PCBP3: variants seen among roughly 807,000 people sequenced by gnomAD.
The protein encoded by PCBP3 is poly(rC)-binding protein 3.
In PCBP3, 25 loss-of-function variants were observed where a neutral mutation model predicts 52.7. The observed-to-expected ratio is 0.47, with a 90% CI of 0.35 to 0.66. PCBP3 has a LOEUF of 0.66. Among genes scored for constraint, PCBP3 ranks in the 30% least tolerant of loss-of-function variants. PCBP3 has a pLI of 0.01. For synonymous variants in PCBP3, 162 were observed against 183.0 expected, an observed-to-expected ratio of 0.89 and a Z score of 0.93; for missense variants, 391 against 490.3, an observed-to-expected ratio of 0.80 and a Z score of 1.91.
At chr21:45,886,610 TGTGG>T (rs2095530733) in intron 5 of PCBP3, among the ~76,000 whole-genome samples, 1 of 12,302 alleles carries the variant, frequency 8.1e-5, no homozygotes, top group Non-Finnish European at 1.5e-4. Flanking sequence ...CGTGGTGAGG[TGTGG>T]AGGAGGCCTC....
intron 2 of PCBP3, among the ~76,000 whole-genome samples, chr21:45,729,927 A>G (rs778794986): frequency 6.6e-6 from 1 of 152,006 alleles, no homozygotes; most frequent in Non-Finnish European, 1.5e-5. Context: ...TGCCTGGTTA[A>G]TGTAAAAAAA....
In PCBP3 at chr21:45,800,696, AGGT is replaced by A. The variant is rs907874350; in HGVS notation, c.-126+45247_-126+45249del. Among the ~76,000 whole-genome samples, 1 of 152,160 alleles carries A rather than the reference AGGT, an allele frequency of 6.6e-6. No homozygotes were observed. The highest frequency in any genetic ancestry group is 2.4e-5 in the African/African-American group (1 of 41,448). On this transcript the variant is annotated intron_variant, in intron 4 of 17. Coordinates refer to ENST00000681687, the MANE Select transcript of PCBP3 (RefSeq NM_001384156.1). This position sits in a 1 kb window ranked among gnomAD's most constrained non-coding sequence, Gnocchi z 5.3. ...ACCTGTGCCCTCCTGAGCCTGGGTGAGGTGGCCCTCCCACCTGGGCCATGTGCC... is the reference window on the plus strand; with the variant it reads ...ACCTGTGCCCTCCTGAGCCTGGGTGAGGCCCTCCCACCTGGGCCATGTGCC...
At chr21:45,931,818 C>A (rs2076225243) in intron 15 of PCBP3, among the ~76,000 whole-genome samples, 1 of 151,962 alleles carries the variant, frequency 6.6e-6, no homozygotes, top group Non-Finnish European at 1.5e-5. Flanking sequence ...TGAATGAACA[C>A]CTGGGCCATG....
intron 4 of PCBP3, chr21:45,760,339 C>G (rs1208684349): frequency 6.6e-6 from 1 of 152,104 alleles, no homozygotes; most frequent in Admixed American, 6.5e-5. Context: ...CTATGCCTGG[C>G]TACTAAAAGC....
At chr21:45,672,947 C>A (rs1244567138) in intron 2 of PCBP3, among the ~76,000 whole-genome samples, 2 of 152,168 alleles carry the variant, frequency 1.3e-5, no homozygotes, top group Non-Finnish European at 2.9e-5. Flanking sequence ...TAACAGTGAC[C>A]TAGACAGTTG....
At chr21:45,663,893 C>G (rs2080588880) in intron 1 of PCBP3, among the ~76,000 whole-genome samples, 1 of 151,804 alleles carries the variant, frequency 6.6e-6, no homozygotes, top group African/African-American at 2.4e-5. Flanking sequence ...TTCCCTAACT[C>G]TATGAAAAAT....
intron 2 of PCBP3, among the ~76,000 whole-genome samples, chr21:45,720,013 C>T (rs1432197706): frequency 6.6e-6 from 1 of 152,130 alleles, no homozygotes; most frequent in Non-Finnish European, 1.5e-5. Flanking sequence ...TAACATCCAC[C>T]AGTCCTTTAT....
At chr21:45,887,208 C>T (rs756339211) in intron 5 of PCBP3, among the ~76,000 whole-genome samples, 23 of 152,336 alleles carry the variant, frequency 1.5e-4, no homozygotes, top group Non-Finnish European at 2.5e-4. Flanking sequence ...GCCTTTCCTA[C>T]GCATTTCAGT....
At chr21:45,644,222 A>G (rs915242534) in intron 1 of PCBP3, among the ~76,000 whole-genome samples, 7 of 151,476 alleles carry the variant, frequency 4.6e-5, no homozygotes, top group Non-Finnish European at 8.8e-5. Flanking sequence ...AAACGGCACA[A>G]ATTTCATCTC....
At chr21:45,710,585 T>C (rs544966363) in intron 2 of PCBP3, among the ~76,000 whole-genome samples, 1 of 152,340 alleles carries the variant, frequency 6.6e-6, no homozygotes, top group African/African-American at 2.4e-5. Context: ...TAACGACACA[T>C]GCACACGTAT....
intron 5 of PCBP3, among the ~76,000 whole-genome samples, chr21:45,884,184 C>T (rs1347467692): frequency 1.3e-5 from 2 of 152,152 alleles, no homozygotes; most frequent in African/African-American, 4.8e-5. Context: ...GATCCTCCCA[C>T]CTTGACCGCC....
intron 3 of PCBP3, among the ~76,000 whole-genome samples, chr21:45,743,054 A>G (rs1205720786): frequency 1.3e-5 from 2 of 152,194 alleles, no homozygotes; most frequent in African/African-American, 4.8e-5. Context: ...TAGAAAGGGA[A>G]TCTGTCTTTC....
intron 4 of PCBP3, among the ~76,000 whole-genome samples, chr21:45,758,613 A>G (rs995417812): frequency 6.6e-6 from 1 of 152,066 alleles, no homozygotes; most frequent in Non-Finnish European, 1.5e-5. Context: ...TTTCTTGGCT[A>G]GTGTATATAA....
At chr21:45,648,383 C>A (rs2079458745) in intron 1 of PCBP3, among the ~76,000 whole-genome samples, 1 of 152,176 alleles carries the variant, frequency 6.6e-6, no homozygotes, top group African/African-American at 2.4e-5. Flanking sequence ...TAGTTCTATT[C>A]TCTATTTCAC....
At chr21:45,670,309 G>T (rs1367264060) in intron 2 of PCBP3, among the ~76,000 whole-genome samples, 2 of 151,952 alleles carry the variant, frequency 1.3e-5, no homozygotes, top group Non-Finnish European at 2.9e-5. Flanking sequence ...GGGTTGTTTG[G>T]GTTTTTGTTA....
intron 2 of PCBP3, among the ~76,000 whole-genome samples, chr21:45,721,626 A>T (rs966165925): frequency 7.9e-5 from 12 of 152,156 alleles, no homozygotes; most frequent in Admixed American, 1.3e-4. Flanking sequence ...AGAATTTCTT[A>T]TCTAAATGTA....
chr21:45,883,597 A>G (rs1603464851), intron 5 of PCBP3, among the ~76,000 whole-genome samples: 2 of 152,250 alleles, frequency 1.3e-5, no homozygotes, highest in East Asian at 1.9e-4. Flanking sequence ...TAGGATTGCT[A>G]TTGCTTATTT....
At chr21:45,706,375 A>T (rs2083451207) in intron 2 of PCBP3, among the ~76,000 whole-genome samples, 1 of 152,146 alleles carries the variant, frequency 6.6e-6, no homozygotes, top group Non-Finnish European at 1.5e-5. Flanking sequence ...TACAGTATGC[A>T]GAGTCTCTTA....
intron 4 of PCBP3, among the ~76,000 whole-genome samples, chr21:45,775,495 G>A (rs2090186831): frequency 6.6e-6 from 1 of 152,226 alleles, no homozygotes; most frequent in Admixed American, 6.5e-5. Flanking sequence ...ACAGCTCACT[G>A]CAGCCTCAAA....
Sources: allele counts gnomAD v4.1 joint callset (sites outside exome capture counted in the v4.1 genomes callset), GRCh38; gene constraint gnomAD v4.1.1; non-coding constraint Gnocchi (gnomAD v3.1); transcripts MANE v1.5; gene names NCBI Gene and HGNC (gene_info 2026-07-23, HGNC 2026-07-21).